AEBP2: variants seen among roughly 807,000 people sequenced by gnomAD.
AEBP2 encodes the protein AE binding protein 2, also known as zinc finger protein AEBP2.
AEBP2 carries 10 observed loss-of-function variants against 50.8 expected under a neutral mutation model. The ratio of observed to expected loss-of-function variants is 0.20; its 90% CI spans 0.12 to 0.33. The LOEUF (loss-of-function observed/expected upper bound fraction) is 0.33. Ranked by LOEUF, AEBP2 falls within the 10% of genes least tolerant of loss-of-function variation. AEBP2 has a pLI of 1.00. For missense variants in AEBP2, 570 were observed against 688.0 expected (o/e 0.83, Z 1.92); for synonymous variants, 296 against 261.3 (o/e 1.13, Z -1.28).
chr12:19,450,656 C>G (rs1161099525), intron 1 of AEBP2, among the ~76,000 whole-genome samples: 1 of 132,542 alleles, frequency 7.5e-6, no homozygotes, highest in Non-Finnish European at 1.6e-5. Flanking sequence ...AAAGTGAGAT[C>G]CCATCTCTAC....
chr12:19,510,299 T>G (rs1162783879), intron 5 of AEBP2, among the ~76,000 whole-genome samples: 1 of 152,072 alleles, frequency 6.6e-6, no homozygotes, highest in Non-Finnish European at 1.5e-5. Flanking sequence ...TAATGTAGAG[T>G]AAGCACTCAG....
intron 1 of AEBP2, among the ~76,000 whole-genome samples, chr12:19,452,997 G>A (rs1948191440): frequency 8.4e-6 from 1 of 119,672 alleles, no homozygotes; most frequent in African/African-American, 3.1e-5. Context: ...ACGGAGTCTC[G>A]CTTTGTCGCC....
intron 3 of AEBP2, 76 bp from the exon 4 acceptor site, chr12:19,493,724 A>C: frequency 3.0e-6 from 4 of 1,353,464 alleles, no homozygotes; most frequent in Non-Finnish European, 4.1e-6. Context: ...CGAAAATACT[A>C]GATATTCACT....
At position 19,521,233 on chromosome 12, in the gene AEBP2, C is replaced by T. The variant is rs1565743212; in HGVS notation, c.*3116C>T. ...CCACACAACTTGCATTTTAATATGACAATGTTGATCTTGGTAATAAGCCAG... is the reference window on the plus strand; with the variant it reads ...CCACACAACTTGCATTTTAATATGATAATGTTGATCTTGGTAATAAGCCAG... On this transcript the variant is annotated 3_prime_UTR_variant, in exon 8 of 8. Transcript: ENST00000266508. The T allele has an allele frequency of 6.6e-6, 1 of 152,146 alleles. No homozygotes were observed. The highest frequency in any genetic ancestry group is 6.5e-5 in the Admixed American group (1 of 15,274). The allele number at this position is 152,146 out of a possible 1,614,324, so 9.4% of individuals were successfully genotyped here. A position where few individuals can be genotyped will look rare whatever the true frequency, so the allele number is the denominator to read the frequency against.
At chr12:19,467,251 A>T (rs775038634) in intron 2 of AEBP2, among the ~76,000 whole-genome samples, 1 of 151,624 alleles carries the variant, frequency 6.6e-6, no homozygotes, top group African/African-American at 2.4e-5. Flanking sequence ...GCTTTCTGCA[A>T]TTTCAAAAAT....
At position 19,439,793 on chromosome 12, in the gene AEBP2, C is replaced by T. The variant is rs1396782182; in HGVS notation, c.94C>T (p.Arg32Trp). Residue 32 changes from arginine to tryptophan, a missense_variant, in exon 1 of 8, where the codon CGG (arginine) becomes TGG (tryptophan). Arg to Trp is a moderately radical substitution (Grantham distance 101, BLOSUM62 -3). Around this residue, in one of 2 missense-constraint regions of AEBP2, gnomAD observed 386 missense variants for 336.8 expected, o/e 1.15. Coordinates refer to ENST00000266508, the MANE Select transcript of AEBP2 (RefSeq NM_153207.5). ...PGSPGSAARG[R>W]AEPPEEEEEE... Reference sequence around the variant, plus strand: ...CAGCCCGGGTTCGGCGGCGCGGGGCCGGGCTGAGCCCCCCGAGGAGGAGGA... The same window carrying T: ...CAGCCCGGGTTCGGCGGCGCGGGGCTGGGCTGAGCCCCCCGAGGAGGAGGA... The T allele has an allele frequency of 1.3e-6, 2 of 1,512,164 alleles. No homozygotes were observed. Among genetic ancestry groups the T allele is most frequent in the Non-Finnish European group, 1.8e-6 (2 of 1,137,348 alleles). 93.7% of individuals were successfully genotyped at this position (1,512,164 alleles called of 1,614,324 possible).
At chr12:19,411,852 T>C (rs1396278522) in intron 1 of AEBP2, among the ~76,000 whole-genome samples, 1 of 152,226 alleles carries the variant, frequency 6.6e-6, no homozygotes, top group Non-Finnish European at 1.5e-5. Flanking sequence ...CTAAAAATTA[T>C]TGCGCACATT....
At chr12:19,472,930 A>G (rs1342656573) in intron 2 of AEBP2, among the ~76,000 whole-genome samples, 2 of 152,162 alleles carry the variant, frequency 1.3e-5, no homozygotes, top group Non-Finnish European at 2.9e-5. Context: ...TCTTTTGTGC[A>G]GTAAATACAA....
At chr12:19,423,552 C>T (rs918173677) in intron 1 of AEBP2, among the ~76,000 whole-genome samples, 3 of 152,238 alleles carry the variant, frequency 2.0e-5, no homozygotes, top group African/African-American at 4.8e-5. Context: ...TGGTAATCTA[C>T]TACCTGATAT....
chr12:19,497,735 A>G (rs996703081), intron 4 of AEBP2, among the ~76,000 whole-genome samples: 4 of 152,192 alleles, frequency 2.6e-5, no homozygotes, highest in Admixed American at 1.3e-4. Context: ...TTGGCCTCCC[A>G]AAGTGCTGGG....
At chr12:19,460,428 T>C (rs891488291) in intron 1 of AEBP2, among the ~76,000 whole-genome samples, 11 of 151,946 alleles carry the variant, frequency 7.2e-5, no homozygotes, top group Admixed American at 2.6e-4. Context: ...TGCAACCTCC[T>C]ACTGCAACCT....
At chr12:19,414,231 A>G (rs1472731872) in intron 1 of AEBP2, among the ~76,000 whole-genome samples, 13 of 151,944 alleles carry the variant, frequency 8.6e-5, no homozygotes, top group Non-Finnish European at 2.9e-5. Context: ...CTGATCTCCT[A>G]TCTCATCCTG....
At chr12:19,459,415 T>C (rs1313132507) in intron 1 of AEBP2, among the ~76,000 whole-genome samples, 4 of 152,054 alleles carry the variant, frequency 2.6e-5, no homozygotes, top group Admixed American at 2.6e-4. Context: ...GTGTTTTTAA[T>C]AGAGACAGGG....
At chr12:19,410,181 T>C (rs537874780) in intron 1 of AEBP2, among the ~76,000 whole-genome samples, 1 of 152,262 alleles carries the variant, frequency 6.6e-6, no homozygotes, top group African/African-American at 2.4e-5. Context: ...CATCCCCCGC[T>C]ATGGTTGTGG....
At chr12:19,510,855 A>T (rs1352516943) in intron 5 of AEBP2, among the ~76,000 whole-genome samples, 3 of 118,146 alleles carry the variant, frequency 2.5e-5, no homozygotes, top group Admixed American at 2.1e-4. Context: ...ATCGCTTTTT[A>T]AGGTAGTGAC....
intron 4 of AEBP2, among the ~76,000 whole-genome samples, chr12:19,497,418 CTGT>C (rs1294863881): frequency 3.5e-5 from 5 of 144,562 alleles, no homozygotes; most frequent in Non-Finnish European, 6.0e-5. Flanking sequence ...TCACAGCAAC[CTGT>C]AATGTTAGGT....
intron 1 of AEBP2, among the ~76,000 whole-genome samples, chr12:19,444,162 T>A (rs4963526): frequency 0.022 from 3,413 of 152,258 alleles, 46 homozygotes; most frequent in East Asian, 0.043. Flanking sequence ...TAAAAAAAAT[T>A]TAAAAAATTT....
At chr12:19,488,977 C>T (rs893084769) in intron 3 of AEBP2, among the ~76,000 whole-genome samples, 9 of 152,074 alleles carry the variant, frequency 5.9e-5, no homozygotes, top group Admixed American at 1.3e-4. Context: ...TTAGTAGAGG[C>T]GTGGTTTCAC....
chr12:19,439,561 A>C lies in AEBP2; in HGVS notation c.-139A>C. 10 of 1,156,630 alleles carry C rather than the reference A, an allele frequency of 8.6e-6. No individual in the cohort carries two copies. Among genetic ancestry groups the C allele is most frequent in the Non-Finnish European group, 1.1e-5 (9 of 853,268 alleles). The allele number at this position is 1,156,630 out of a possible 1,614,324, so 71.6% of individuals were successfully genotyped here. On this transcript the variant is annotated 5_prime_UTR_variant, in exon 1 of 8. Coordinates refer to ENST00000266508, the MANE Select transcript of AEBP2 (RefSeq NM_153207.5). ...GGCTCCGTAGCGCGTGTGCAGGCTG[A>C]CGCAGCTCGCGGGCCCTCCTCCTGC...
Sources: gnomAD v4.1 joint callset for allele counts (sites outside exome capture counted in the v4.1 genomes callset) on GRCh38, gnomAD v4.1.1 for gene constraint, gnomAD v4.1.1 regional missense constraint, MANE v1.5 for transcripts, NCBI Gene and HGNC (gene_info 2026-07-23, HGNC 2026-07-21) for gene names.